Variants in PCDHGA4 observed in about 807,000 individuals in gnomAD.
PCDHGA4 encodes the protein protocadherin gamma subfamily A, 4.
PCDHGA4 carries 38 observed loss-of-function variants against 54.6 expected under a neutral mutation model. That is an observed-to-expected ratio of 0.70 (90% CI 0.54 to 0.91). The LOEUF (loss-of-function observed/expected upper bound fraction) is 0.91. PCDHGA4 is among the 40% of genes least tolerant of loss of function. The pLI is 0.00. For missense variants in PCDHGA4, 1,298 were observed against 1,220.9 expected (o/e 1.06, Z -0.94); for synonymous variants, 511 against 512.9 (o/e 1.00, Z 0.05).
In PCDHGA4 at chr5:141,432,647, C is replaced by T; in HGVS notation, c.2515-62160C>T. On this transcript the variant is annotated intron_variant, in intron 1 of 3. Coordinates refer to ENST00000571252, the MANE Select transcript of PCDHGA4 (RefSeq NM_018917.4). This position sits in a 1 kb window ranked among gnomAD's most constrained non-coding sequence, Gnocchi z 6.0. ...GCACACGGGCGAGGTGCGCACGGCG[C>T]GAGCCCTGCTGGACAGAGACGCGCT... 3 of 1,613,796 alleles carry T rather than the reference C, an allele frequency of 1.9e-6. No homozygotes were observed. Among genetic ancestry groups the T allele is most frequent in the Admixed American group, 1.7e-5 (1 of 60,008 alleles).
At chr5:141,449,888 A>G (rs544369390) in intron 1 of PCDHGA4, among the ~76,000 whole-genome samples, 1 of 151,990 alleles carries the variant, frequency 6.6e-6, no homozygotes, top group Non-Finnish European at 1.5e-5. Flanking sequence ...ATGCAATATA[A>G]TTATTTAGCC....
At chr5:141,464,870 C>G (rs1488189681) in intron 1 of PCDHGA4, among the ~76,000 whole-genome samples, 1 of 152,126 alleles carries the variant, frequency 6.6e-6, no homozygotes, top group Non-Finnish European at 1.5e-5. Flanking sequence ...TCCCAAGTAG[C>G]TAGGACTACA....
chr5:141,497,804 T>G (rs1196976996), intron 2 of PCDHGA4, among the ~76,000 whole-genome samples: 1 of 152,186 alleles, frequency 6.6e-6, no homozygotes, highest in Non-Finnish European at 1.5e-5. Context: ...CTTCCCAAAG[T>G]GCTAGAATTA....
intron 1 of PCDHGA4, chr5:141,383,142 C>A (rs1778858149): frequency 1.2e-6 from 2 of 1,614,006 alleles, no homozygotes; most frequent in Admixed American, 3.3e-5. Flanking sequence ...ACCAGCGCAG[C>A]GGCAGCTTGG....
At chr5:141,451,315 T>A (rs2154563546) in intron 1 of PCDHGA4, among the ~76,000 whole-genome samples, 1 of 152,330 alleles carries the variant, frequency 6.6e-6, no homozygotes, top group South Asian at 2.1e-4. Context: ...GCAATTAAAG[T>A]GTCACCTAAG....
intron 1 of PCDHGA4, among the ~76,000 whole-genome samples, chr5:141,429,377 GT>G (rs566693637): frequency 1.3e-4 from 20 of 149,526 alleles, no homozygotes; most frequent in South Asian, 8.5e-4. Flanking sequence ...GAGAAAATGT[GT>G]TTTTTTTTTA....
rs1424221139 is a variant in PCDHGA4, at chr5:141,491,867, T to G, written c.2515-2940T>G. On this transcript the variant is annotated intron_variant, in intron 1 of 3. Coordinates refer to ENST00000571252, the MANE Select transcript of PCDHGA4 (RefSeq NM_018917.4). The surrounding 1 kb of genome is among the most constrained non-coding windows in gnomAD (Gnocchi z 6.9). ...TTGGACCGTTTGCGCGAAACCAGAG[T>G]GGCCGATTAAGGGATGGGGCTCCGA... 2 of 1,452,218 alleles carry G rather than the reference T, an allele frequency of 1.4e-6. No homozygotes were observed. The highest frequency in any genetic ancestry group is 1.8e-6 in the Non-Finnish European group (2 of 1,099,056). 90.0% of individuals were successfully genotyped at this position (1,452,218 alleles called of 1,614,324 possible).
intron 1 of PCDHGA4, chr5:141,392,600 G>A: frequency 2.0e-6 from 1 of 505,338 alleles, no homozygotes; most frequent in East Asian, 3.2e-5. Context: ...TCACCTACTG[G>A]AAGACAAATG....
chr5:141,365,326 G>A (rs376885852), intron 1 of PCDHGA4: 1 of 1,613,980 alleles, frequency 6.2e-7, no homozygotes, highest in African/African-American at 1.3e-5. Flanking sequence ...CCAGCGCTAA[G>A]GTGGTGGTCA....
At chr5:141,469,044 A>C (rs1247890388) in intron 1 of PCDHGA4, among the ~76,000 whole-genome samples, 1 of 152,128 alleles carries the variant, frequency 6.6e-6, no homozygotes, top group East Asian at 1.9e-4. Context: ...TGGGAGGCCA[A>C]GGTGGGAGGA....
chr5:141,511,695 C>T lies in PCDHGA4; in HGVS notation c.*522C>T, dbSNP rs1009832192. 1 of 195,662 alleles carries T rather than the reference C, an allele frequency of 5.1e-6. No individual in the cohort carries two copies. Among genetic ancestry groups the T allele is most frequent in the Non-Finnish European group, 1.1e-5 (1 of 92,626 alleles). The allele number at this position is 195,662 out of a possible 1,614,324, so 12.1% of individuals were successfully genotyped here. On this transcript the variant is annotated 3_prime_UTR_variant, in exon 4 of 4. Coordinates refer to ENST00000571252, the MANE Select transcript of PCDHGA4 (RefSeq NM_018917.4). ...CTTCCCCCAAAGCATGGTTTGGTGC[C>T]AGCCCCTTCACCTCCTTCCAGAGCC...
intron 1 of PCDHGA4, among the ~76,000 whole-genome samples, chr5:141,436,720 A>G (rs1337926057): frequency 1.5e-4 from 23 of 152,216 alleles, no homozygotes; most frequent in Non-Finnish European, 3.4e-4. Context: ...TCTGTTGGGA[A>G]AAATAATAAT....
At chr5:141,377,212 G>A (rs1390877095) in intron 1 of PCDHGA4, 4 of 151,992 alleles carry the variant, frequency 2.6e-5, no homozygotes, top group African/African-American at 4.8e-5. Context: ...AGTACATCTC[G>A]TTTCTTAGGT....
chr5:141,366,051 G>A, intron 1 of PCDHGA4: 1 of 1,614,244 alleles, frequency 6.2e-7, no homozygotes, highest in Non-Finnish European at 8.5e-7. Context: ...GGTTCCACGG[G>A]CGTGGAGCTG....
chr5:141,398,654 C>G, intron 1 of PCDHGA4: 1 of 1,613,998 alleles, frequency 6.2e-7, no homozygotes, highest in South Asian at 1.1e-5. Context: ...TCTCTTAACC[C>G]AAGTTTCTCA....
intron 1 of PCDHGA4, chr5:141,402,792 A>G (rs947158745): frequency 1.4e-5 from 14 of 1,008,956 alleles, no homozygotes; most frequent in Admixed American, 3.1e-5. Flanking sequence ...CTGCGGCTAC[A>G]CAAAACCCGG....
chr5:141,489,124 A>C lies in PCDHGA4; in HGVS notation c.2515-5683A>C. The C allele has an allele frequency of 3.6e-6, 2 of 556,652 alleles. No individual in the cohort carries two copies. Among genetic ancestry groups the C allele is most frequent in the South Asian group, 3.3e-5 (1 of 30,014 alleles). The allele number at this position is 556,652 out of a possible 1,614,324, so 34.5% of individuals were successfully genotyped here. On this transcript the variant is annotated intron_variant, in intron 1 of 3. Transcript: ENST00000571252. The surrounding 1 kb of genome is among the most constrained non-coding windows in gnomAD (Gnocchi z 4.5). ...GCTGCAAGCAGGCAAACCTCCGAGC[A>C]GTTTTTAAGAGGCTGGAAGGAGACA...
At chr5:141,481,913 C>CAAAAAA (rs34114744) in intron 1 of PCDHGA4, among the ~76,000 whole-genome samples, 2 of 90,846 alleles carry the variant, frequency 2.2e-5, no homozygotes, top group Non-Finnish European at 4.4e-5. Flanking sequence ...AACTCCATCT[C>CAAAAAA]AAAAAAAAAA....
At chr5:141,371,577 G>C (rs202142331) in intron 1 of PCDHGA4, 2 of 1,613,866 alleles carry the variant, frequency 1.2e-6, no homozygotes, top group Admixed American at 3.3e-5. Flanking sequence ...CTTTAAAATC[G>C]TTCAAGATAC....
Sources: allele counts gnomAD v4.1 joint callset (sites outside exome capture counted in the v4.1 genomes callset), GRCh38; gene constraint gnomAD v4.1.1; non-coding constraint Gnocchi (gnomAD v3.1); transcripts MANE v1.5; gene names NCBI Gene and HGNC (gene_info 2026-07-23, HGNC 2026-07-21).